The following IK variants were observed in gnomAD, a reference collection of about 807,000 sequenced individuals.
The protein encoded by IK is protein Red.
Under a neutral mutation model 90.9 loss-of-function variants are expected in IK, and 47 were observed. That is an observed-to-expected ratio of 0.52 (90% confidence interval 0.41 to 0.66). The LOEUF (loss-of-function observed/expected upper bound fraction) is 0.66, where lower values mean the gene tolerates loss of function less well. IK is among the 30% of genes least tolerant of loss of function. The pLI, the probability that IK is intolerant of heterozygous loss-of-function variation, is 0.00. For synonymous variants in IK, 201 were observed against 227.5 expected (o/e 0.88, Z 1.05); for missense variants, 385 against 709.3 (o/e 0.54, Z 5.19).
chr5:140,656,811 A>T (rs183126885), intron 9 of IK, among the ~76,000 whole-genome samples: 18 of 152,342 alleles, frequency 1.2e-4, no homozygotes, highest in Non-Finnish European at 1.5e-4. Context: ...TGTATAAATT[A>T]TTACTGCCTA....
rs748218419 is a variant in IK at position 140,648,532 on chromosome 5, C to T, written c.78C>T (p.Phe26=). The T allele has an allele frequency of 1.2e-6, 2 of 1,613,734 alleles. No homozygotes were observed. Among genetic ancestry groups the T allele is most frequent in the East Asian group, 4.5e-5 (2 of 44,882 alleles). ...DGHDVDDPHS[F]HQSKLTNEDF... ...ACGATGTGGATGATCCTCACTCCTT[C>T]CACCAGTGAGTATTTTGTGCTAGGA... The change falls in exon 2 of 20, where the codon TTC becomes TTT. Residue 26 remains phenylalanine, a synonymous_variant. Transcript: ENST00000417647.
rs1407710542 is a variant in IK at position 140,653,148 on chromosome 5, A to C, written c.404+4A>C. 3 of 1,612,486 alleles carry C rather than the reference A, an allele frequency of 1.9e-6. No individual in the cohort carries two copies. The highest frequency in any genetic ancestry group is 2.5e-6 in the Non-Finnish European group (3 of 1,178,868). On this transcript the variant is annotated splice_donor_region_variant and intron_variant, in intron 5 of 19. Coordinates refer to ENST00000417647, the MANE Select transcript of IK (RefSeq NM_006083.4). ...CTGTTGGCCCCACTGCTGAGGCGTG[A>C]GTACTGAGGGAACAGGGCATGGTTC... is the stretch of plus-strand genomic sequence containing the variant.
intron 4 of IK, 65 bp downstream of exon 4, chr5:140,652,212 C>T: frequency 8.2e-7 from 1 of 1,212,674 alleles, no homozygotes; most frequent in Non-Finnish European, 1.2e-6. Flanking sequence ...GAAGTAGGGG[C>T]TAATTATGAA....
chr5:140,649,097 A>G (rs1757561039), intron 2 of IK: 1 of 156,244 alleles, frequency 6.4e-6, no homozygotes, highest in Admixed American at 6.4e-5. Flanking sequence ...TCTGCCTCCC[A>G]AAGTGGTGGG....
chr5:140,660,686 A>T (rs1333975450), intron 15 of IK, 72 bp from the exon 16 acceptor site: 5 of 1,192,076 alleles, frequency 4.2e-6, no homozygotes, highest in Non-Finnish European at 1.3e-6. Context: ...ATAACCTCTT[A>T]GTCGGGTAGG....
rs1340456055 is a variant in IK, at chr5:140,661,207, C to T, written c.1413+392C>T. ...AGCAAAATTAAAAAGAAAAAAACCACTAATGCCACTAATAGTGAAGAAGTC... is the reference window on the plus strand; with the variant it reads ...AGCAAAATTAAAAAGAAAAAAACCATTAATGCCACTAATAGTGAAGAAGTC... On this transcript the variant is annotated intron_variant, in intron 16 of 19. Coordinates refer to ENST00000417647, the MANE Select transcript of IK (RefSeq NM_006083.4). This position sits in a 1 kb window ranked among gnomAD's most constrained non-coding sequence, Gnocchi z 4.2. 3 of 248,270 alleles carry T rather than the reference C, an allele frequency of 1.2e-5. No homozygotes were observed. Among genetic ancestry groups the T allele is most frequent in the Non-Finnish European group, 2.3e-5 (3 of 131,070 alleles). 15.4% of individuals were successfully genotyped at this position (248,270 alleles called of 1,614,324 possible).
At chr5:140,662,271 T>C in intron 19 of IK, 31 bp from the exon 20 acceptor site, 3 of 1,613,998 alleles carry the variant, frequency 1.9e-6, no homozygotes, top group Non-Finnish European at 2.5e-6. Context: ...TGTATTGATC[T>C]TATACTGACC....
intron 1 of IK, chr5:140,648,260 G>A (rs1581478144): frequency 1.4e-6 from 1 of 706,674 alleles, no homozygotes. Flanking sequence ...TCTTCCGGAA[G>A]TCTTCTCTGA....
intron 1 of IK, 128 bp from the exon 2 acceptor site, chr5:140,648,343 A>G (rs1757531863): frequency 1.2e-6 from 1 of 857,048 alleles, no homozygotes; most frequent in African/African-American, 1.7e-5. Context: ...TTCAGCACTT[A>G]TTACATTGTG....
chr5:140,655,917 C>A lies in IK; in HGVS notation c.726C>A (p.Asp242Glu). 1 of 1,585,820 alleles carries A rather than the reference C, an allele frequency of 6.3e-7. No individual in the cohort carries two copies. Reference sequence around the variant, plus strand: ...CGGGCCGCATGGCCTATGTGGTAGACCTGGATGATGAGTATGCTGACACAG... The same window carrying A: ...CGGGCCGCATGGCCTATGTGGTAGAACTGGATGATGAGTATGCTGACACAG... The part of the protein sequence containing the change: ...FLPGRMAYVV[D>E]LDDEYADTDI... Residue 242 changes from aspartate to glutamate, a missense_variant, in exon 9 of 20, where the codon GAC (aspartate) becomes GAA (glutamate). Transcript: ENST00000417647.
chr5:140,651,173 C>T (rs934407380), intron 2 of IK, among the ~76,000 whole-genome samples: 6 of 152,108 alleles, frequency 3.9e-5, no homozygotes, highest in South Asian at 4.2e-4. Context: ...CATATCTGGT[C>T]GGGCGTGGTG....
At chr5:140,648,163 G>A (rs1251460199) in intron 1 of IK, 1 of 707,904 alleles carries the variant, frequency 1.4e-6, no homozygotes, top group Non-Finnish European at 2.6e-6. Context: ...GGCGGCTTTT[G>A]TGCGTGGATC....
chr5:140,656,834 T>C (rs1337535010), intron 9 of IK, among the ~76,000 whole-genome samples: 2 of 152,206 alleles, frequency 1.3e-5, no homozygotes, highest in African/African-American at 4.8e-5. Flanking sequence ...GTCACCCTGT[T>C]GTGCTATCAT....
Position 140,655,866 on chromosome 5 carries a change from A to G in IK, c.675A>G (p.Ala225=), listed in dbSNP as rs1258240417. The G allele has an allele frequency of 3.7e-6, 6 of 1,609,518 alleles. No homozygotes were observed. The highest frequency in any genetic ancestry group is 5.1e-6 in the Non-Finnish European group (6 of 1,177,776). The change falls in exon 9 of 20, where the codon GCA becomes GCG. Residue 225 remains alanine (A), a synonymous_variant. Coordinates refer to ENST00000417647, the MANE Select transcript of IK (RefSeq NM_006083.4). ...NVYRMLFKSK[A]YERNELFLPG... ...ACCGAATGCTTTTTAAGAGCAAAGC[A>G]TATGAGCGGAATGAGTTGTTCCTGC...
chr5:140,653,507 C>G (rs1483939302), intron 5 of IK, among the ~76,000 whole-genome samples: 6 of 151,058 alleles, frequency 4.0e-5, no homozygotes, highest in African/African-American at 1.5e-4. Context: ...AGGCTGGTCT[C>G]GATCTGACCT....
chr5:140,654,382 A>G lies in IK; in HGVS notation c.520-134A>G, dbSNP rs1757670767. ...GTTTAATTTGTCTGTCTCATCTGCT[A>G]TAAGCTCCATTAGAGTAAGAACAAT... On this transcript the variant is annotated intron_variant, in intron 6 of 19. Coordinates refer to ENST00000417647, the MANE Select transcript of IK (RefSeq NM_006083.4). 5.5e-6 allele frequency: 4 copies of G among 729,636 alleles called. No homozygotes were observed. The Admixed American group carries it at 8.4e-5, about 15-fold the overall frequency. The allele number at this position is 729,636 out of a possible 1,614,324, so 45.2% of individuals were successfully genotyped here.
chr5:140,658,342 G>A lies in IK; in HGVS notation c.911-395G>A, dbSNP rs183866992. Among the ~76,000 whole-genome samples the A allele has an allele frequency of 4.8e-3, 715 of 150,316 alleles. 5 individuals carry two copies. The highest frequency in any genetic ancestry group is 8.3e-3 in the Non-Finnish European group (562 of 67,634). Reference sequence around the variant, plus strand: ...TTTATTTATTTATTTATTTTGAGACGAGTCTCGTTTTGTCGCCCAGGCTGG... The same window carrying A: ...TTTATTTATTTATTTATTTTGAGACAAGTCTCGTTTTGTCGCCCAGGCTGG... On this transcript the variant is annotated intron_variant, in intron 10 of 19. Coordinates refer to ENST00000417647, the MANE Select transcript of IK (RefSeq NM_006083.4).
chr5:140,647,836 G>A lies in IK; in HGVS notation c.-73G>A, dbSNP rs746448356. On this transcript the variant is annotated 5_prime_UTR_variant, in exon 1 of 20. Coordinates refer to ENST00000417647, the MANE Select transcript of IK (RefSeq NM_006083.4). ...GTGGGTTGATTCTGAGGTGCACTGTGGGAAAGAGCTTGTCGCTGCGGTGTT... is the reference window on the plus strand; with the variant it reads ...GTGGGTTGATTCTGAGGTGCACTGTAGGAAAGAGCTTGTCGCTGCGGTGTT... 2 of 1,583,862 alleles carry A rather than the reference G, an allele frequency of 1.3e-6. No homozygotes were observed. The highest frequency in any genetic ancestry group is 1.7e-6 in the Non-Finnish European group (2 of 1,152,512).
At position 140,653,111 on chromosome 5, in the gene IK, C is replaced by T. The variant is rs1381189118; in HGVS notation, c.371C>T (p.Ala124Val). ...GAAACCGAGCTTATCAGCACCACAG[C>T]TAACTATAGGGCTGTTGGCCCCACT... Reference protein sequence around the residue: ...YEETELISTTANYRAVGPTAE... With the variant: ...YEETELISTTVNYRAVGPTAE... The change falls in exon 5 of 20, where the codon GCT becomes GTT. Residue 124 changes from alanine to valine, a missense_variant. Transcript: ENST00000417647. The T allele has an allele frequency of 6.2e-7, 1 of 1,613,822 alleles. No homozygotes were observed. Among genetic ancestry groups the T allele is most frequent in the East Asian group, 2.2e-5 (1 of 44,870 alleles).
Sources: allele counts gnomAD v4.1 joint callset (sites outside exome capture counted in the v4.1 genomes callset), GRCh38; gene constraint gnomAD v4.1.1; non-coding constraint Gnocchi (gnomAD v3.1); transcripts MANE v1.5; gene names NCBI Gene and HGNC (gene_info 2026-07-23, HGNC 2026-07-21).